The following ELP3 variants were observed in gnomAD, a reference collection of about 807,000 sequenced individuals.
ELP3 encodes elongator acetyltransferase complex subunit 3, also known as elongator complex protein 3.
Under a neutral mutation model 74.9 loss-of-function variants are expected in ELP3, and 56 were observed. The ratio of observed to expected loss-of-function variants is 0.75; its 90% CI spans 0.60 to 0.93. The LOEUF (loss-of-function observed/expected upper bound fraction) is 0.93. Among genes scored for constraint, ELP3 ranks in the 40% least tolerant of loss-of-function variants. The pLI, the probability that ELP3 is intolerant of heterozygous loss-of-function variation, is 0.00. For synonymous variants in ELP3, 222 were observed against 239.8 expected (o/e 0.93, Z 0.68); for missense variants, 573 against 686.5 (o/e 0.83, Z 1.85).
chr8:28,186,952 C>CA (rs1441173757), intron 14 of ELP3, among the ~76,000 whole-genome samples: 2 of 152,144 alleles, frequency 1.3e-5, no homozygotes, highest in African/African-American at 2.4e-5. Flanking sequence ...CAAAAGCTTC[C>CA]AAAATCAGAG....
At chr8:28,118,482 T>C (rs1812222587) in intron 7 of ELP3, among the ~76,000 whole-genome samples, 1 of 152,190 alleles carries the variant, frequency 6.6e-6, no homozygotes, top group Non-Finnish European at 1.5e-5. Context: ...AAAACAGGTA[T>C]GGCTTTTGTG....
At chr8:28,095,425 A>G (rs183830289) in intron 1 of ELP3, among the ~76,000 whole-genome samples, 1 of 152,140 alleles carries the variant, frequency 6.6e-6, no homozygotes, top group Admixed American at 6.5e-5. Context: ...TTTTTCCTCC[A>G]TGCCTTATTT....
chr8:28,169,406 A>T (rs945504472), intron 14 of ELP3, among the ~76,000 whole-genome samples: 16 of 152,178 alleles, frequency 1.1e-4, no homozygotes, highest in African/African-American at 3.9e-4. Context: ...TGTGATGTCA[A>T]GGGCCTCAGC....
chr8:28,187,622 C>G (rs187727986), intron 14 of ELP3, among the ~76,000 whole-genome samples: 21 of 152,286 alleles, frequency 1.4e-4, no homozygotes, highest in African/African-American at 4.1e-4. Flanking sequence ...TCCTGTCCCC[C>G]CCATGTAGCC....
intron 14 of ELP3, among the ~76,000 whole-genome samples, chr8:28,167,192 C>T (rs1400753526): frequency 6.6e-6 from 1 of 152,108 alleles, no homozygotes; most frequent in Non-Finnish European, 1.5e-5. Flanking sequence ...TGAAATCATC[C>T]TTAATCATGA....
chr8:28,146,278 A>G (rs1813427324), intron 10 of ELP3, among the ~76,000 whole-genome samples: 1 of 152,228 alleles, frequency 6.6e-6, no homozygotes, highest in Non-Finnish European at 1.5e-5. Context: ...TGCTGCCCTC[A>G]GGCTATTTGA....
chr8:28,160,403 TA>T lies in ELP3; in HGVS notation c.1433del (p.Tyr478LeufsTer7). 1 of 1,614,132 alleles carries T rather than the reference TA, an allele frequency of 6.2e-7. No homozygotes were observed. Among genetic ancestry groups the T allele is most frequent in the Non-Finnish European group, 8.5e-7 (1 of 1,180,010 alleles). Reference sequence around the variant, plus strand: ...CTCCATAGTACGAGAGCTGCATGTGTATGGGAGTGTGGTCCCTGTGAGCAGC... The same window carrying T: ...CTCCATAGTACGAGAGCTGCATGTGTTGGGAGTGTGGTCCCTGTGAGCAGC... ...GVSIVRELHV[Y>X]GSVVPVSSRD... On this transcript the variant is annotated frameshift_variant, in exon 13 of 15. Transcript: ENST00000256398. LOFTEE classifies it high-confidence loss of function.
chr8:28,110,189 C>T (rs1443845419), intron 5 of ELP3, among the ~76,000 whole-genome samples, 181 bp from the exon 6 acceptor site: 2 of 152,158 alleles, frequency 1.3e-5, no homozygotes, highest in African/African-American at 2.4e-5. Flanking sequence ...TGAGTGGACA[C>T]CTGCCAGATG....
At chr8:28,169,489 A>C (rs2061587) in intron 14 of ELP3, among the ~76,000 whole-genome samples, 74,111 of 151,916 alleles carry the variant, frequency 0.49, 18,923 homozygotes, top group East Asian at 0.91. Flanking sequence ...GGGGCTGTCC[A>C]TATGAGCAGC....
chr8:28,091,945 A>G (rs1487557915), upstream of ELP3, among the ~76,000 whole-genome samples: 4 of 152,238 alleles, frequency 2.6e-5, no homozygotes, highest in South Asian at 4.1e-4. Context: ...TACAGAAGAC[A>G]AAGTAAACAT....
rs149823743 is a variant in ELP3, at chr8:28,167,622, C to A, written c.1567+5544C>A. 4.2e-4 allele frequency among the ~76,000 whole-genome samples: 64 copies of A among 152,296 alleles called. 2 individuals carry two copies. The East Asian group carries it at 0.01, about 24-fold the overall frequency. ...CTATTTGCTAATGGACACAGGAAGC[C>A]TGCCAAATGCAGACCAGTTTGTGGC... On this transcript the variant is annotated intron_variant, in intron 14 of 14. Transcript: ENST00000256398.
At chr8:28,187,817 A>G (rs140016425) in intron 14 of ELP3, among the ~76,000 whole-genome samples, 3 of 152,148 alleles carry the variant, frequency 2.0e-5, no homozygotes, top group Non-Finnish European at 4.4e-5. Context: ...CTTCCATGCA[A>G]TTTAGACATT....
chr8:28,167,221 C>T (rs1814340712), intron 14 of ELP3, among the ~76,000 whole-genome samples: 1 of 152,002 alleles, frequency 6.6e-6, no homozygotes, highest in South Asian at 2.1e-4. Flanking sequence ...GTTATATGAC[C>T]CTAAAACTAC....
At chr8:28,120,190 T>C (rs1263963407) in intron 7 of ELP3, among the ~76,000 whole-genome samples, 6 of 152,240 alleles carry the variant, frequency 3.9e-5, no homozygotes, top group Admixed American at 1.3e-4. Context: ...CTACTATTTG[T>C]ACTCCCACCA....
intron 10 of ELP3, among the ~76,000 whole-genome samples, chr8:28,154,035 C>A (rs1813737766): frequency 6.6e-6 from 1 of 152,174 alleles, no homozygotes; most frequent in Non-Finnish European, 1.5e-5. Context: ...TCCTGAGATG[C>A]TATCTCATGT....
intron 14 of ELP3, among the ~76,000 whole-genome samples, chr8:28,171,992 T>G (rs1365160227): frequency 6.6e-6 from 1 of 152,176 alleles, no homozygotes; most frequent in African/African-American, 2.4e-5. Flanking sequence ...ATTTCTGGGC[T>G]CTCAGTTCTA....
intron 14 of ELP3, among the ~76,000 whole-genome samples, chr8:28,171,485 G>T (rs1200307019): frequency 6.6e-6 from 1 of 151,762 alleles, no homozygotes; most frequent in African/African-American, 2.4e-5. Context: ...TGTCTATTTG[G>T]GTCTGTTGCC....
Position 28,164,204 on chromosome 8 carries a change from AT to A in ELP3, c.1567+2127del, listed in dbSNP as rs139649133. 3.0e-3 allele frequency among the ~76,000 whole-genome samples: 450 copies of A among 152,302 alleles called. 1 individual carries two copies. Among genetic ancestry groups the A allele is most frequent in the Non-Finnish European group, 4.9e-3 (330 of 68,026 alleles). On this transcript the variant is annotated intron_variant, in intron 14 of 14. Coordinates refer to ENST00000256398, the MANE Select transcript of ELP3 (RefSeq NM_018091.6). ...GAGGACCCCTGGCTTGCCTGAGGTC[AT>A]ATCCAATTGCTCATAAGAGCCTCAG...
intron 10 of ELP3, among the ~76,000 whole-genome samples, chr8:28,149,698 A>G (rs1490362921): frequency 1.3e-5 from 2 of 152,032 alleles, no homozygotes; most frequent in Non-Finnish European, 2.9e-5. Flanking sequence ...CTTATTATTT[A>G]TGTTCTCCTG....
Sources: allele counts gnomAD v4.1 joint callset (sites outside exome capture counted in the v4.1 genomes callset), GRCh38; gene constraint gnomAD v4.1.1; transcripts MANE v1.5; gene names NCBI Gene and HGNC (gene_info 2026-07-23, HGNC 2026-07-21).